The following ABCB9 variants were observed in gnomAD, a reference collection of about 807,000 sequenced individuals.
ABCB9 encodes ABC-type oligopeptide transporter ABCB9.
A neutral mutation model predicts 62.0 loss-of-function variants in ABCB9; 36 were observed. The observed-to-expected ratio is 0.58, with a 90% confidence interval of 0.45 to 0.77. The LOEUF (loss-of-function observed/expected upper bound fraction) is 0.77. Among genes scored for constraint, ABCB9 ranks in the 30% least tolerant of loss-of-function variants. ABCB9 has a pLI of 0.00. For missense variants in ABCB9, 943 were observed against 1,054.7 expected, an observed-to-expected ratio of 0.89 and a Z score of 1.47; for synonymous variants, 435 against 461.4, an observed-to-expected ratio of 0.94 and a Z score of 0.73.
chr12:122,965,717 CG>C (rs1050393265), intron 1 of ABCB9, among the ~76,000 whole-genome samples: 1 of 150,018 alleles, frequency 6.7e-6, no homozygotes. Context: ...AATGTCAGGC[CG>C]GGGGAGGAGG....
chr12:122,967,217 T>C (rs2037204695), upstream of ABCB9, among the ~76,000 whole-genome samples: 1 of 152,122 alleles, frequency 6.6e-6, no homozygotes, highest in South Asian at 2.1e-4. Context: ...GGACAGAACA[T>C]CAGCAAGTAA....
Position 122,929,986 on chromosome 12 carries a change from C to T in ABCB9, c.2226G>A (p.Met742Ile), listed in dbSNP as rs761346615. 6.3e-7 allele frequency: 1 copy of T among 1,577,116 alleles called. No homozygotes were observed. The highest frequency in any genetic ancestry group is 8.6e-7 in the Non-Finnish European group (1 of 1,164,444). ...AGTCTGCGGCGGGCTGAAGCCCCAG[C>T]ATCTGCCGCTGCACCAGCTTGGCGT... ...GLYAKLVQRQMLGLQPAADFT... is the reference protein window; with the variant it reads ...GLYAKLVQRQILGLQPAADFT... Residue 742 changes from methionine (M) to isoleucine (I), a missense_variant, in exon 12 of 12, where the codon ATG becomes ATA. Physicochemically the swap from Met to Ile is conservative, Grantham distance 10. Transcript: ENST00000280560. The surrounding 1 kb of genome is among the most constrained non-coding windows in gnomAD (Gnocchi z 6.0).
Position 122,960,091 on chromosome 12 carries a change from C to T in ABCB9, c.145G>A (p.Asp49Asn). The change falls in exon 2 of 12, where the codon GAT (aspartate) becomes AAT (asparagine). Residue 49 changes from aspartate (D) to asparagine (N), a missense_variant. Transcript: ENST00000280560. Reference sequence around the variant, plus strand: ...CGGTACAGGCAGGCTGCCCAGAGATCCAGCACCGAGTCAAAGATGTTGAAG... The same window carrying T: ...CGGTACAGGCAGGCTGCCCAGAGATTCAGCACCGAGTCAAAGATGTTGAAG... The part of the protein sequence containing the change: ...RHFNIFDSVL[D>N]LWAACLYRSC... 1.2e-6 allele frequency: 2 copies of T among 1,613,528 alleles called. No homozygotes were observed. Among genetic ancestry groups the T allele is most frequent in the Non-Finnish European group, 1.7e-6 (2 of 1,180,050 alleles).
chr12:122,958,806 C>A (rs1298683698), intron 2 of ABCB9, among the ~76,000 whole-genome samples: 1 of 152,064 alleles, frequency 6.6e-6, no homozygotes, highest in Admixed American at 6.5e-5. Context: ...CATGCCACTG[C>A]ACTACAGCCT....
chr12:122,921,100 T>G, intron 11 of ABCB9: 6 of 1,515,264 alleles, frequency 4.0e-6, no homozygotes, highest in Non-Finnish European at 5.3e-6. Flanking sequence ...GGAGTCTGCT[T>G]AATGCCTCTG....
downstream of ABCB9, chr12:122,924,827 G>C: frequency 6.5e-6 from 10 of 1,534,578 alleles, no homozygotes; most frequent in Non-Finnish European, 7.9e-6. Flanking sequence ...GGGACAGAAG[G>C]AGGACAGTGA....
At chr12:122,961,529 G>A (rs892074032) in intron 1 of ABCB9, among the ~76,000 whole-genome samples, 4 of 152,176 alleles carry the variant, frequency 2.6e-5, no homozygotes, top group African/African-American at 7.2e-5. Context: ...AGAAGACCTC[G>A]CTGGGTAGGT....
chr12:122,928,570 C>T (rs907326458), downstream of ABCB9, among the ~76,000 whole-genome samples: 1 of 152,136 alleles, frequency 6.6e-6, no homozygotes. Context: ...AGAATAACCA[C>T]CGCAGGGGTC....
chr12:122,920,842 G>A (rs1312926500), downstream of ABCB9: 1 of 549,498 alleles, frequency 1.8e-6, no homozygotes, highest in South Asian at 2.3e-5. Flanking sequence ...GAGTCTGGGA[G>A]GCAGATGTTG....
At position 122,944,628 on chromosome 12, in the gene ABCB9, A is replaced by G; in HGVS notation, c.1252-109T>C. On this transcript the variant is annotated intron_variant, in intron 6 of 11. Coordinates refer to ENST00000280560, the MANE Select transcript of ABCB9 (RefSeq NM_019625.4). This position sits in a 1 kb window ranked among gnomAD's most constrained non-coding sequence, Gnocchi z 4.9. ...GGGGGAGGTGAGGGCAGACCCAGCC[A>G]CAAACTGAAATGCCGGCCGTTGGCA... is the stretch of plus-strand genomic sequence containing the variant. The G allele has an allele frequency of 1.4e-6, 2 of 1,476,316 alleles. No homozygotes were observed. Among genetic ancestry groups the G allele is most frequent in the Non-Finnish European group, 1.8e-6 (2 of 1,099,242 alleles). The allele number at this position is 1,476,316 out of a possible 1,614,324, so 91.5% of individuals were successfully genotyped here.
chr12:122,967,930 T>TAA (rs1378084080), upstream of ABCB9, among the ~76,000 whole-genome samples: 1 of 152,206 alleles, frequency 6.6e-6, no homozygotes, highest in Admixed American at 6.5e-5. Flanking sequence ...CCTCTACAGA[T>TAA]AGACTTGTGC....
downstream of ABCB9, chr12:122,924,698 C>T: frequency 6.6e-7 from 1 of 1,526,180 alleles, no homozygotes; most frequent in South Asian, 1.2e-5. Context: ...GGGTGCCGTG[C>T]TCCTCTTCAT....
chr12:122,955,281 C>T (rs1429755906), intron 2 of ABCB9, among the ~76,000 whole-genome samples: 1 of 152,144 alleles, frequency 6.6e-6, no homozygotes, highest in Non-Finnish European at 1.5e-5. Context: ...ACTCTTGATG[C>T]AATCCTGCAA....
chr12:122,924,101 GC>G (rs2034824933), downstream of ABCB9, among the ~76,000 whole-genome samples: 1 of 152,202 alleles, frequency 6.6e-6, no homozygotes, highest in African/African-American at 2.4e-5. Context: ...ATTGACTTGG[GC>G]TGAGTCTGCC....
At chr12:122,923,529 T>A (rs1414386095) in intron 11 of ABCB9, among the ~76,000 whole-genome samples, 1 of 152,096 alleles carries the variant, frequency 6.6e-6, no homozygotes, top group Non-Finnish European at 1.5e-5. Context: ...GACCTCGTGA[T>A]CCGCCCGCCT....
chr12:122,960,163 A>T lies in ABCB9; in HGVS notation c.73T>A (p.Tyr25Asn), dbSNP rs766218475. The change falls in exon 2 of 12, where the codon TAT becomes AAT. Residue 25 changes from tyrosine (Y) to asparagine (N), a missense_variant. Tyr to Asn is a moderately radical substitution (Grantham distance 143, BLOSUM62 -2). Coordinates refer to ENST00000280560, the MANE Select transcript of ABCB9 (RefSeq NM_019625.4). ...SVDICVTTAI[Y>N]VFSHLDRSLL... The stretch of plus-strand genomic sequence containing the variant: ...CTGCGGTCCAGGTGGCTGAAGACAT[A>T]GATGGCCGTGGTCACGCAGATGTCC... The T allele has an allele frequency of 6.2e-7, 1 of 1,613,710 alleles. No homozygotes were observed. Among genetic ancestry groups the T allele is most frequent in the Non-Finnish European group, 8.5e-7 (1 of 1,180,030 alleles).
upstream of ABCB9, among the ~76,000 whole-genome samples, chr12:122,967,957 T>G (rs2037222659): frequency 6.6e-6 from 1 of 152,114 alleles, no homozygotes; most frequent in South Asian, 2.1e-4. Flanking sequence ...GCTAAGGTAC[T>G]AGCTTAAAGG....
At chr12:122,950,206 A>G (rs1418907167) in intron 3 of ABCB9, among the ~76,000 whole-genome samples, 2 of 152,222 alleles carry the variant, frequency 1.3e-5, no homozygotes, top group Non-Finnish European at 2.9e-5. Context: ...CTTGGAAAAC[A>G]GCCAGGGAGG....
rs1171152894 is a variant in ABCB9 at position 122,944,116 on chromosome 12, A to G, written c.1380+275T>C. On this transcript the variant is annotated intron_variant, in intron 7 of 11. Coordinates refer to ENST00000280560, the MANE Select transcript of ABCB9 (RefSeq NM_019625.4). The surrounding 1 kb of genome is among the most constrained non-coding windows in gnomAD (Gnocchi z 4.9). ...GCTAATTTTTGTGTTTTCAGTAGAG[A>G]TGGGGTTTCACCATGTTGGCCAGGC... Among the ~76,000 whole-genome samples the G allele has an allele frequency of 2.6e-5, 4 of 152,116 alleles. No individual in the cohort carries two copies. The highest frequency in any genetic ancestry group is 9.7e-5 in the African/African-American group (4 of 41,412).
Sources: gnomAD v4.1 joint callset for allele counts (sites outside exome capture counted in the v4.1 genomes callset) on GRCh38, gnomAD v4.1.1 for gene constraint, Gnocchi (gnomAD v3.1) non-coding constraint, MANE v1.5 for transcripts, NCBI Gene and HGNC (gene_info 2026-07-23, HGNC 2026-07-21) for gene names.